The following DAB1 variants were observed in gnomAD, a reference collection of about 807,000 sequenced individuals.
DAB1 encodes the protein DAB adaptor protein 1.
DAB1 carries 15 observed loss-of-function variants against 64.6 expected under a neutral mutation model. That is an observed-to-expected ratio of 0.23 (90% confidence interval 0.16 to 0.36). The LOEUF (loss-of-function observed/expected upper bound fraction) is 0.36, where lower values mean the gene tolerates loss of function less well. Ranked by LOEUF, DAB1 falls within the 10% of genes least tolerant of loss-of-function variation. The probability of loss-of-function intolerance (pLI) is 1.00; values close to 1 mark genes in which losing one functional copy is unlikely to be tolerated. For missense variants in DAB1, 596 were observed against 706.7 expected (o/e 0.84, Z 1.78); for synonymous variants, 235 against 251.9 (o/e 0.93, Z 0.64).
At position 57,642,949 on chromosome 1, in the gene DAB1, T is replaced by C. The variant is rs534129536; in HGVS notation, n.625+6643A>G. On this transcript the variant is annotated intron_variant and non_coding_transcript_variant, in intron 7 of 20. Transcript: ENST00000485760. ...ACTTGAGCACCTACCATGTGCCAGA[T>C]GCTGGACTACGGCACTTGTTTGATG... is the stretch of plus-strand genomic sequence containing the variant. Among the ~76,000 whole-genome samples the C allele has an allele frequency of 9.8e-5, 15 of 152,354 alleles. No individual in the cohort carries two copies. In the South Asian group the frequency reaches 2.9e-3, roughly 29 times the overall value.
At chr1:57,051,993 C>A (rs1649235317) in intron 9 of DAB1, among the ~76,000 whole-genome samples, 1 of 151,962 alleles carries the variant, frequency 6.6e-6, no homozygotes, top group Admixed American at 6.6e-5. Context: ...TTGTTTGGGC[C>A]CCTGACTCAG....
intron 2 of DAB1, among the ~76,000 whole-genome samples, chr1:57,152,324 T>C (rs1449115182): frequency 6.6e-6 from 1 of 152,234 alleles, no homozygotes; most frequent in African/African-American, 2.4e-5. Context: ...ATACACCTGC[T>C]TCACTTGGTT....
rs1217166047 is a variant in DAB1, at chr1:57,489,408, G to A, written n.625+160184C>T. On this transcript the variant is annotated intron_variant and non_coding_transcript_variant, in intron 7 of 20. Coordinates refer to the DAB1 transcript ENST00000485760. ...TTCTCAAACTATCTCATTACAAAGA[G>A]GCACATTAAAACCATCTCTGGGACT... 3.3e-5 allele frequency among the ~76,000 whole-genome samples: 5 copies of A among 152,048 alleles called. No homozygotes were observed. In the East Asian group the frequency reaches 9.6e-4, roughly 29 times the overall value.
intron 6 of DAB1, among the ~76,000 whole-genome samples, chr1:57,790,022 C>T (rs909927068): frequency 7.9e-5 from 12 of 152,234 alleles, no homozygotes; most frequent in South Asian, 2.1e-4. Context: ...GAGGCACCAA[C>T]GGACCATAAG....
At chr1:57,961,001 C>T (rs1645507663) in intron 5 of DAB1, among the ~76,000 whole-genome samples, 2 of 152,174 alleles carry the variant, frequency 1.3e-5, no homozygotes, top group South Asian at 2.1e-4. Context: ...TACTTACTGG[C>T]ACCATGGCTA....
chr1:57,244,600 C>A (rs1237464176), intron 2 of DAB1, among the ~76,000 whole-genome samples: 1 of 152,106 alleles, frequency 6.6e-6, no homozygotes, highest in Non-Finnish European at 1.5e-5. Flanking sequence ...TTACTCTTGA[C>A]CAATGTAAAC....
intron 9 of DAB1, among the ~76,000 whole-genome samples, chr1:57,059,439 C>T (rs534455): frequency 2.0e-5 from 3 of 151,906 alleles, no homozygotes; most frequent in East Asian, 1.9e-4. Flanking sequence ...GGAAGTCTTA[C>T]GACTTTCTGG....
intron 4 of DAB1, among the ~76,000 whole-genome samples, chr1:57,112,997 A>G (rs72907176): frequency 0.013 from 1,933 of 152,332 alleles, 40 homozygotes; most frequent in African/African-American, 0.044. Flanking sequence ...ACAGTGGCAA[A>G]CACAGGCAAG....
intron 5 of DAB1, among the ~76,000 whole-genome samples, chr1:58,037,712 C>A (rs779513515): frequency 3.3e-5 from 5 of 152,016 alleles, no homozygotes; most frequent in Admixed American, 6.5e-5. Context: ...GGGACTGCTG[C>A]CTTATGGGAT....
intron 12 of DAB1, among the ~76,000 whole-genome samples, chr1:57,014,500 C>T (rs768395856): frequency 8.5e-5 from 13 of 152,072 alleles, no homozygotes; most frequent in South Asian, 2.1e-4. Context: ...AATAAATGAA[C>T]GAATGAATGA....
At chr1:58,028,567 G>A (rs1450864272) in intron 5 of DAB1, among the ~76,000 whole-genome samples, 1 of 152,140 alleles carries the variant, frequency 6.6e-6, no homozygotes, top group African/African-American at 2.4e-5. Context: ...CCACCAAAAG[G>A]ATGCTTGTTC....
intron 6 of DAB1, among the ~76,000 whole-genome samples, chr1:57,659,930 T>A (rs1646365524): frequency 6.6e-6 from 1 of 151,594 alleles, no homozygotes; most frequent in Non-Finnish European, 1.5e-5. Context: ...TCAGCAGAGA[T>A]CACCCTACTG....
At chr1:58,303,939 T>C (rs980398434) in intron 4 of DAB1, among the ~76,000 whole-genome samples, 1 of 152,120 alleles carries the variant, frequency 6.6e-6, no homozygotes, top group Non-Finnish European at 1.5e-5. Context: ...CCAGGGACAA[T>C]AGGGCCCAAC....
intron 3 of DAB1, among the ~76,000 whole-genome samples, chr1:58,460,306 C>T (rs6666833): frequency 0.33 from 50,821 of 152,026 alleles, 8,841 homozygotes; most frequent in Middle Eastern, 0.41. Context: ...GAGATGCACA[C>T]ACGTGGGACT....
At chr1:57,361,750 A>C (rs1379386271) in intron 1 of DAB1, among the ~76,000 whole-genome samples, 2 of 152,276 alleles carry the variant, frequency 1.3e-5, no homozygotes, top group East Asian at 3.9e-4. Flanking sequence ...TTCTGGCATG[A>C]GCAGACTTTT....
intron 7 of DAB1, among the ~76,000 whole-genome samples, chr1:57,619,638 G>T (rs1338519345): frequency 6.6e-6 from 1 of 152,140 alleles, no homozygotes; most frequent in African/African-American, 2.4e-5. Flanking sequence ...CTGGGCTCAA[G>T]TGTTTCTCCC....
chr1:58,043,127 G>A (rs536635317), intron 5 of DAB1, among the ~76,000 whole-genome samples: 92 of 152,236 alleles, frequency 6.0e-4, no homozygotes, highest in Middle Eastern at 3.4e-3. Context: ...ATGTATAGGC[G>A]CTGTGCTGCT....
At position 58,048,360 on chromosome 1, in the gene DAB1, AGCTTCCACCACCTCCAAAACT is replaced by A. The variant is rs1557625636; in HGVS notation, n.387+102130_387+102150del. The A allele has an allele frequency of 3.1e-6, 3 of 975,088 alleles. No homozygotes were observed. The African/African-American group carries it at 4.8e-5, about 16-fold the overall frequency. The allele number at this position is 975,088 out of a possible 1,614,324, so 60.4% of individuals were successfully genotyped here. A position where few individuals can be genotyped will look rare whatever the true frequency, so the allele number is the denominator to read the frequency against. On this transcript the variant is annotated intron_variant and non_coding_transcript_variant, in intron 5 of 20. Coordinates refer to the DAB1 transcript ENST00000485760. ...TTGTTTTAATTGCCCAAATCACTGT[AGCTTCCACCACCTCCAAAACT>A]GCTTCCACTGCCACTGCCAAAGCTA...
intron 4 of DAB1, among the ~76,000 whole-genome samples, chr1:58,335,646 T>G (rs545566890): frequency 6.6e-6 from 1 of 151,152 alleles, no homozygotes; most frequent in Non-Finnish European, 1.5e-5. Context: ...GGGATTGGTG[T>G]TTGGGGGCAG....
Sources: gnomAD v4.1 joint callset for allele counts (sites outside exome capture counted in the v4.1 genomes callset) on GRCh38, gnomAD v4.1.1 for gene constraint, MANE v1.5 for transcripts, NCBI Gene and HGNC (gene_info 2026-07-23, HGNC 2026-07-21) for gene names.